Variants in ADGRL3 observed in about 807,000 individuals in gnomAD.
ADGRL3 encodes the protein calcium-independent alpha-latrotoxin receptor 3.
In ADGRL3, 62 loss-of-function variants were observed where a neutral mutation model predicts 153.5. The ratio of observed to expected loss-of-function variants is 0.40; its 90% CI spans 0.33 to 0.50. The LOEUF (loss-of-function observed/expected upper bound fraction) is 0.50. Among genes scored for constraint, ADGRL3 ranks in the 20% least tolerant of loss-of-function variants. The pLI, the probability that ADGRL3 is intolerant of heterozygous loss-of-function variation, is 0.47. For missense variants in ADGRL3, 1,641 were observed against 1,859.4 expected, an observed-to-expected ratio of 0.88 and a Z score of 2.16; for synonymous variants, 710 against 672.5, an observed-to-expected ratio of 1.06 and a Z score of -0.86.
intron 1 of ADGRL3, among the ~76,000 whole-genome samples, chr4:61,236,425 G>A (rs1386898766): frequency 6.8e-6 from 1 of 147,392 alleles, no homozygotes; most frequent in Non-Finnish European, 1.5e-5. Flanking sequence ...TTTCTACTGT[G>A]TGTATCATGG....
intron 5 of ADGRL3, among the ~76,000 whole-genome samples, chr4:61,654,470 TTTAAA>T (rs1408578571): frequency 6.6e-6 from 1 of 152,078 alleles, no homozygotes; most frequent in Non-Finnish European, 1.5e-5. Flanking sequence ...ATGTACTGTC[TTTAAA>T]TTAAATGTTA....
In ADGRL3 at chr4:61,583,654, T is replaced by C. The variant is rs769387364; in HGVS notation, c.260-3573T>C. 1.7e-5 allele frequency: 9 copies of C among 518,164 alleles called. No homozygotes were observed. In the East Asian group the frequency reaches 4.9e-4, roughly 28 times the overall value. The allele number at this position is 518,164 out of a possible 1,614,324, so 32.1% of individuals were successfully genotyped here. A position where few individuals can be genotyped will look rare whatever the true frequency, so the allele number is the denominator to read the frequency against. On this transcript the variant is annotated intron_variant, in intron 4 of 26. Coordinates refer to ENST00000683033, the MANE Select transcript of ADGRL3 (RefSeq NM_001387552.1). ...GAGGTTCTGACATCTTTATCAGAGA[T>C]GTTTAATTAGTTCATGTCCCTTCAG...
intron 8 of ADGRL3, among the ~76,000 whole-genome samples, chr4:61,737,237 G>A (rs999920889): frequency 2.0e-5 from 3 of 152,136 alleles, no homozygotes; most frequent in Admixed American, 2.0e-4. Flanking sequence ...GTTACCATCT[G>A]TTGGTAGCAG....
intron 11 of ADGRL3, 65 bp downstream of exon 11, chr4:61,895,899 G>A: frequency 1.2e-6 from 1 of 862,178 alleles, no homozygotes; most frequent in South Asian, 2.0e-5. Context: ...GATGATAGCT[G>A]TTGGAAAAAA....
At chr4:61,497,456 C>A in intron 3 of ADGRL3, 108 bp downstream of exon 3, 2 of 590,622 alleles carry the variant, frequency 3.4e-6, no homozygotes, top group Non-Finnish European at 5.7e-6. Flanking sequence ...TTTTCCTTAT[C>A]ATATGTTAGT....
At chr4:62,037,622 G>A in intron 23 of ADGRL3, 109 bp from the exon 24 acceptor site, 2 of 1,153,494 alleles carry the variant, frequency 1.7e-6, no homozygotes, top group Non-Finnish European at 1.3e-6. Flanking sequence ...CATCTGTAGG[G>A]CAAGGAAATA....
chr4:61,264,591 A>G (rs1222002691), intron 1 of ADGRL3, among the ~76,000 whole-genome samples: 1 of 152,034 alleles, frequency 6.6e-6, no homozygotes, highest in Non-Finnish European at 1.5e-5. Flanking sequence ...ACCAGTGTAT[A>G]TTACACAAAG....
chr4:61,409,305 A>G (rs890549582), intron 2 of ADGRL3, among the ~76,000 whole-genome samples: 124 of 143,082 alleles, frequency 8.7e-4, no homozygotes, highest in African/African-American at 2.9e-3. Context: ...GACATCCATT[A>G]TATATAATAT....
chr4:61,373,810 A>G (rs1204877795), intron 1 of ADGRL3, among the ~76,000 whole-genome samples: 1 of 152,202 alleles, frequency 6.6e-6, no homozygotes, highest in Non-Finnish European at 1.5e-5. Context: ...CAACAGGTTA[A>G]AAACATTTTA....
Position 61,200,576 on chromosome 4 carries a change from G to GCCGCCGCCA in ADGRL3, c.-1420_-1412dup, listed in dbSNP as rs1478146042. On this transcript the variant is annotated 5_prime_UTR_variant, in exon 1 of 27. Transcript: ENST00000683033. Reference sequence around the variant, plus strand: ...CGTTGCCTCCGCTCCGGCAGCTGCTGCCGCCGCCACCGCCGCCTGTGACTC... The same window carrying GCCGCCGCCA: ...CGTTGCCTCCGCTCCGGCAGCTGCTGCCGCCGCCACCGCCGCCACCGCCGCCTGTGACTC... 1.3e-5 allele frequency among the ~76,000 whole-genome samples: 2 copies of GCCGCCGCCA among 151,986 alleles called. No homozygotes were observed. The highest frequency in any genetic ancestry group is 2.9e-5 in the Non-Finnish European group (2 of 67,984).
intron 2 of ADGRL3, among the ~76,000 whole-genome samples, chr4:61,465,491 T>C (rs182751314): frequency 9.5e-4 from 144 of 152,114 alleles, no homozygotes; most frequent in Admixed American, 4.3e-3. Context: ...GCCATATTGG[T>C]CCTCATTCTA....
intron 5 of ADGRL3, among the ~76,000 whole-genome samples, chr4:61,649,857 C>T (rs2094182212): frequency 6.6e-6 from 1 of 152,056 alleles, no homozygotes; most frequent in South Asian, 2.1e-4. Context: ...ATAATATGGA[C>T]TTGAGTAACA....
chr4:61,371,172 G>C (rs1332324687), intron 1 of ADGRL3, among the ~76,000 whole-genome samples: 4 of 151,070 alleles, frequency 2.6e-5, no homozygotes, highest in Admixed American at 1.3e-4. Flanking sequence ...GATGGGTCTT[G>C]ACTCTTTATC....
chr4:61,381,156 C>T (rs1033706636), intron 1 of ADGRL3, among the ~76,000 whole-genome samples: 3 of 151,942 alleles, frequency 2.0e-5, no homozygotes, highest in Non-Finnish European at 4.4e-5. Flanking sequence ...GGAAGACTCT[C>T]TGTCCTTACC....
intron 1 of ADGRL3, among the ~76,000 whole-genome samples, chr4:61,210,412 AGAG>A (rs1027127153): frequency 6.6e-5 from 10 of 152,124 alleles, no homozygotes; most frequent in Admixed American, 1.3e-4. Flanking sequence ...CTGTGAGAAT[AGAG>A]GAGAGACTCA....
At chr4:61,760,158 T>C (rs2152171655) in intron 8 of ADGRL3, among the ~76,000 whole-genome samples, 1 of 152,322 alleles carries the variant, frequency 6.6e-6, no homozygotes, top group Non-Finnish European at 1.5e-5. Context: ...AGCTGCATGC[T>C]GGGAGAACCA....
chr4:61,257,503 G>A (rs1273202914), intron 1 of ADGRL3, among the ~76,000 whole-genome samples: 1 of 152,100 alleles, frequency 6.6e-6, no homozygotes, highest in Non-Finnish European at 1.5e-5. Flanking sequence ...ATTTGTTTAA[G>A]TCCATAGACA....
intron 3 of ADGRL3, among the ~76,000 whole-genome samples, chr4:61,506,931 C>T (rs187067649): frequency 4.6e-5 from 7 of 151,862 alleles, no homozygotes; most frequent in Admixed American, 2.6e-4. Context: ...AGGTTAAAAA[C>T]GTAAAAATAA....
chr4:61,670,050 CTCTGGGAGGCCGAGGCAGGTGGATCAT>C (rs2094938244), intron 5 of ADGRL3, among the ~76,000 whole-genome samples: 1 of 152,176 alleles, frequency 6.6e-6, no homozygotes, highest in Non-Finnish European at 1.5e-5. Flanking sequence ...AATCCCAGCA[CTCTGGGAGGCCGAGGCAGGTGGATCAT>C]GAGGTCAAGA....
Sources: allele counts gnomAD v4.1 joint callset (sites outside exome capture counted in the v4.1 genomes callset), GRCh38; gene constraint gnomAD v4.1.1; transcripts MANE v1.5; gene names NCBI Gene and HGNC (gene_info 2026-07-23, HGNC 2026-07-21).